Variants in DLX3 observed in about 807,000 individuals in gnomAD.
DLX3 encodes the protein homeobox protein DLX-3.
DLX3 carries 9 observed loss-of-function variants against 28.0 expected under a neutral mutation model. The observed-to-expected ratio is 0.32, with a 90% CI of 0.19 to 0.56. DLX3 has a LOEUF of 0.56. Ranked by LOEUF, DLX3 falls within the 20% of genes least tolerant of loss-of-function variation. The pLI, the probability that DLX3 is intolerant of heterozygous loss-of-function variation, is 0.91. For synonymous variants in DLX3, 154 were observed against 167.9 expected (o/e 0.92, Z 0.64); for missense variants, 313 against 378.2 (o/e 0.83, Z 1.43).
chr17:49,991,980 C>T, intron 2 of DLX3, 116 bp from the exon 3 acceptor site: 1 of 1,017,964 alleles, frequency 9.8e-7, no homozygotes. Flanking sequence ...AAGAATCAGG[C>T]AAAAAACAGG....
rs61087392 is a variant in DLX3, at chr17:49,990,348, C to CTT, written c.*1167_*1168dup. ...ATATAGCTACAGTCTTCTACCTCTCCTTTTTTTTTTTTTTCAATGTTTTAC... is the reference window on the plus strand; with the variant it reads ...ATATAGCTACAGTCTTCTACCTCTCCTTTTTTTTTTTTTTTTCAATGTTTTAC... On this transcript the variant is annotated 3_prime_UTR_variant, in exon 3 of 3. Coordinates refer to ENST00000434704, the MANE Select transcript of DLX3 (RefSeq NM_005220.3). The CTT allele has an allele frequency of 0.075, 10,427 of 139,538 alleles. 462 individuals are homozygous for CTT. Among genetic ancestry groups the CTT allele is most frequent in the Middle Eastern group, 0.11 (29 of 274 alleles). The allele number at this position is 139,538 out of a possible 1,614,324, so 8.6% of individuals were successfully genotyped here. A position where few individuals can be genotyped will look rare whatever the true frequency, so the allele number is the denominator to read the frequency against.
chr17:49,994,020 A>G (rs1319563820), intron 1 of DLX3, among the ~76,000 whole-genome samples: 1 of 151,596 alleles, frequency 6.6e-6, no homozygotes, highest in Non-Finnish European at 1.5e-5. Flanking sequence ...TCATTTTAGA[A>G]TCTCTTTAGA....
rs755856190 is a variant in DLX3 at position 49,993,383 on chromosome 17, G to T, written c.516+17C>A. 8.1e-5 allele frequency: 129 copies of T among 1,590,884 alleles called. No individual in the cohort carries two copies. The highest frequency in any genetic ancestry group is 1.0e-4 in the Non-Finnish European group (120 of 1,174,694). The stretch of plus-strand genomic sequence containing the variant: ...GGTCCCGCGCGCCCCCGCGGCCCTG[G>T]ACAGCCAAACACCAACCTGTGTCTG... On this transcript the variant is annotated intron_variant, in intron 2 of 2. Transcript: ENST00000434704.
chr17:49,990,255 C>T lies in DLX3; in HGVS notation c.*1262G>A, dbSNP rs898320565. The T allele has an allele frequency of 2.6e-5, 4 of 151,548 alleles. No homozygotes were observed. Among genetic ancestry groups the T allele is most frequent in the Non-Finnish European group, 5.9e-5 (4 of 67,958 alleles). 9.4% of individuals were successfully genotyped at this position (151,548 alleles called of 1,614,324 possible). ...GGAACATGGCCACATAAATAGGAAA[C>T]CGCAGCAGGGAGGAGGCTGCTTCTC... On this transcript the variant is annotated 3_prime_UTR_variant, in exon 3 of 3. Coordinates refer to ENST00000434704, the MANE Select transcript of DLX3 (RefSeq NM_005220.3).
At position 49,993,563 on chromosome 17, in the gene DLX3, T is replaced by C. The variant is rs1208645623; in HGVS notation, c.353A>G (p.Glu118Gly). 1.9e-6 allele frequency: 3 copies of C among 1,613,624 alleles called. No individual in the cohort carries two copies. In the South Asian group the frequency reaches 3.3e-5, roughly 18 times the overall value. Reference sequence around the variant, plus strand: ...GGGCTTCCCATTCACCATGCGCACCTCTGCTTCCGGCTCCTCCTTCACCGA... The same window carrying C: ...GGGCTTCCCATTCACCATGCGCACCCCTGCTTCCGGCTCCTCCTTCACCGA... The part of the protein sequence containing the change: ...PVSVKEEPEA[E>G]VRMVNGKPKK... The change falls in exon 2 of 3, where the codon GAG becomes GGG. Residue 118 changes from glutamate (E) to glycine (G), a missense_variant. By Grantham distance (98) the Glu-to-Gly change is moderately conservative (BLOSUM62 -2). Coordinates refer to ENST00000434704, the MANE Select transcript of DLX3 (RefSeq NM_005220.3).
At chr17:49,992,591 C>G (rs900044904) in intron 2 of DLX3, among the ~76,000 whole-genome samples, 1 of 152,136 alleles carries the variant, frequency 6.6e-6, no homozygotes, top group South Asian at 2.1e-4. Context: ...GTATCTCCCC[C>G]TCCCCCTGCC....
chr17:49,991,919 C>T, intron 2 of DLX3, 55 bp from the exon 3 acceptor site: 1 of 1,560,352 alleles, frequency 6.4e-7, no homozygotes, highest in Non-Finnish European at 8.8e-7. Context: ...CTAAAACAAC[C>T]CTGGGAAGAA....
Position 49,990,453 on chromosome 17 carries a change from T to A in DLX3, c.*1064A>T, listed in dbSNP as rs1032293099. The A allele has an allele frequency of 6.6e-6, 1 of 152,254 alleles. No homozygotes were observed. Among genetic ancestry groups the A allele is most frequent in the African/African-American group, 2.4e-5 (1 of 41,304 alleles). 9.4% of individuals were successfully genotyped at this position (152,254 alleles called of 1,614,324 possible). ...GCAGTGCCACCAGCCCTCCAGGCAGTTACCCCTTACTCCCAAAGGCACAAG... is the reference window on the plus strand; with the variant it reads ...GCAGTGCCACCAGCCCTCCAGGCAGATACCCCTTACTCCCAAAGGCACAAG... On this transcript the variant is annotated 3_prime_UTR_variant, in exon 3 of 3. Coordinates refer to ENST00000434704, the MANE Select transcript of DLX3 (RefSeq NM_005220.3).
intron 1 of DLX3, 148 bp downstream of exon 1, chr17:49,994,526 C>T (rs2144186871): frequency 1.0e-6 from 1 of 963,324 alleles, no homozygotes; most frequent in Non-Finnish European, 1.5e-6. Context: ...CGCCTGGTCC[C>T]TCTGAGGGTC....
In DLX3 at chr17:49,994,696, C is replaced by T. The variant is rs34931821; in HGVS notation, c.303G>A (p.Gln101=). ...SYRQYGAYRE[Q]PLPAQDPVSV... is the part of the protein sequence containing the mutation. ...CACCTGGGTCCTGGGCTGGCAGCGGCTGCTCCCGATACGCCCCGTATTGCC... is the reference window on the plus strand; with the variant it reads ...CACCTGGGTCCTGGGCTGGCAGCGGTTGCTCCCGATACGCCCCGTATTGCC... Residue 101 remains glutamine (Q), a synonymous_variant, in exon 1 of 3, where the codon CAG becomes CAA. Coordinates refer to ENST00000434704, the MANE Select transcript of DLX3 (RefSeq NM_005220.3). The T allele has an allele frequency of 2.5e-6, 4 of 1,614,048 alleles. No homozygotes were observed. The highest frequency in any genetic ancestry group is 3.4e-6 in the Non-Finnish European group (4 of 1,180,042).
Position 49,991,413 on chromosome 17 carries a change from G to T in DLX3, c.*104C>A, listed in dbSNP as rs921587444. On this transcript the variant is annotated 3_prime_UTR_variant, in exon 3 of 3. Transcript: ENST00000434704. ...AAGGGGCAAGGGAGGGGGAAAGGGA[G>T]TTCCTTTTCCCTGTGCTCCTCGATG... is the stretch of plus-strand genomic sequence containing the variant. The T allele has an allele frequency of 1.9e-6, 2 of 1,039,246 alleles. No homozygotes were observed. Among genetic ancestry groups the T allele is most frequent in the Non-Finnish European group, 2.7e-6 (2 of 730,618 alleles). 64.4% of individuals were successfully genotyped at this position (1,039,246 alleles called of 1,614,324 possible). A position where few individuals can be genotyped will look rare whatever the true frequency, so the allele number is the denominator to read the frequency against.
rs1410445896 is a variant in DLX3, at chr17:49,995,129, G to GGGGGGA, written c.-137_-132dup. On this transcript the variant is annotated 5_prime_UTR_variant, in exon 1 of 3. Transcript: ENST00000434704. ...GCGAAGGGAGGACCCGGCCGCGTCT[G>GGGGGGA]GGGGGAGGGGGAGGCCGAGAGGCGC... 123 of 1,175,230 alleles carry GGGGGGA rather than the reference G, an allele frequency of 1.0e-4. No homozygotes were observed. In the African/African-American group the frequency reaches 1.6e-3, roughly 15 times the overall value. 72.8% of individuals were successfully genotyped at this position (1,175,230 alleles called of 1,614,324 possible).
At position 49,990,048 on chromosome 17, in the gene DLX3, C is replaced by T. The variant is rs1177868560; in HGVS notation, c.*1469G>A. ...TTAACATTATATATAAAGATGAGTC[C>T]AGTAAGAAAGCAGAAATGAGAAGGC... On this transcript the variant is annotated 3_prime_UTR_variant, in exon 3 of 3. Coordinates refer to ENST00000434704, the MANE Select transcript of DLX3 (RefSeq NM_005220.3). 6.6e-6 allele frequency: 1 copy of T among 152,434 alleles called. No individual in the cohort carries two copies. The highest frequency in any genetic ancestry group is 2.4e-5 in the African/African-American group (1 of 41,374). 9.4% of individuals were successfully genotyped at this position (152,434 alleles called of 1,614,324 possible).
chr17:49,992,574 C>T (rs1906129235), intron 2 of DLX3, among the ~76,000 whole-genome samples: 2 of 152,210 alleles, frequency 1.3e-5, no homozygotes, highest in South Asian at 4.2e-4. Flanking sequence ...CCCAAATTTC[C>T]CCTGGGGTAT....
intron 1 of DLX3, 126 bp from the exon 2 acceptor site, chr17:49,993,716 G>A (rs1044295437): frequency 8.3e-5 from 93 of 1,125,190 alleles, no homozygotes; most frequent in Non-Finnish European, 1.1e-4. Context: ...ATTCCCGGCC[G>A]CGCGCTCCGC....
chr17:49,993,316 T>C, intron 2 of DLX3, 84 bp downstream of exon 2: 2 of 1,438,712 alleles, frequency 1.4e-6, no homozygotes, highest in Non-Finnish European at 1.9e-6. Context: ...CGCAGGGCCC[T>C]TCAGTGGCCA....
intron 2 of DLX3, 21 bp from the exon 3 acceptor site, chr17:49,991,885 G>A: frequency 6.2e-7 from 1 of 1,609,466 alleles, no homozygotes; most frequent in Non-Finnish European, 8.5e-7. Context: ...GAAGAAAGGG[G>A]TAGCTAGTTA....
At chr17:49,994,522 G>A (rs967247768) in intron 1 of DLX3, 152 bp downstream of exon 1, 3 of 898,386 alleles carry the variant, frequency 3.3e-6, no homozygotes, top group African/African-American at 3.3e-5. Context: ...AGGTCGCCTG[G>A]TCCCTCTGAG....
rs1249294137 is a variant in DLX3, at chr17:49,995,138, G to A, written c.-140C>T. 1.8e-6 allele frequency: 2 copies of A among 1,090,384 alleles called. No individual in the cohort carries two copies. Among genetic ancestry groups the A allele is most frequent in the African/African-American group, 1.6e-5 (1 of 64,236 alleles). The allele number at this position is 1,090,384 out of a possible 1,614,324, so 67.5% of individuals were successfully genotyped here. A position where few individuals can be genotyped will look rare whatever the true frequency, so the allele number is the denominator to read the frequency against. On this transcript the variant is annotated 5_prime_UTR_variant, in exon 1 of 3. Transcript: ENST00000434704. ...GGACCCGGCCGCGTCTGGGGGGAGGGGGAGGCCGAGAGGCGCTTACACCAT... is the reference window on the plus strand; with the variant it reads ...GGACCCGGCCGCGTCTGGGGGGAGGAGGAGGCCGAGAGGCGCTTACACCAT...
Sources: gnomAD v4.1 joint callset for allele counts (sites outside exome capture counted in the v4.1 genomes callset) on GRCh38, gnomAD v4.1.1 for gene constraint, MANE v1.5 for transcripts, NCBI Gene and HGNC (gene_info 2026-07-23, HGNC 2026-07-21) for gene names.